The following PLEKHB1 variants were observed in gnomAD, a reference collection of about 807,000 sequenced individuals.
The protein encoded by PLEKHB1 is pleckstrin homology domain containing B1.
Under a neutral mutation model 36.2 loss-of-function variants are expected in PLEKHB1, and 29 were observed. The ratio of observed to expected loss-of-function variants is 0.80; its 90% CI spans 0.60 to 1.09. The LOEUF is 1.09. Among genes scored for constraint, PLEKHB1 ranks in the 50% least tolerant of loss-of-function variants. PLEKHB1 has a pLI of 0.00. For missense variants in PLEKHB1, 330 were observed against 348.2 expected, an observed-to-expected ratio of 0.95 and a Z score of 0.42; for synonymous variants, 138 against 140.0, an observed-to-expected ratio of 0.99 and a Z score of 0.10.
In PLEKHB1 at chr11:73,649,217, T is replaced by C. The variant is rs674995; in HGVS notation, c.94+130T>C. 0.024 allele frequency: 28,536 copies of C among 1,192,214 alleles called. 4,961 individuals carry two copies. The African/African-American group carries it at 0.39, about 16-fold the overall frequency. The allele number at this position is 1,192,214 out of a possible 1,614,324, so 73.9% of individuals were successfully genotyped here. The stretch of plus-strand genomic sequence containing the variant: ...TCCCTTGTTTGTCCATGCTCTTCCC[T>C]CTGCCTGAAGGTCCTTCCCATTCCC... On this transcript the variant is annotated intron_variant, in intron 2 of 7. Coordinates refer to ENST00000354190, the MANE Select transcript of PLEKHB1 (RefSeq NM_021200.3).
At chr11:73,648,591 A>C in intron 1 of PLEKHB1, 1 of 984,836 alleles carries the variant, frequency 1.0e-6, no homozygotes, top group Non-Finnish European at 1.2e-6. Flanking sequence ...CAAGGTTTCT[A>C]ATACTTTAAG....
At position 73,650,563 on chromosome 11, in the gene PLEKHB1, C is replaced by T; in HGVS notation, c.105C>T (p.Leu35=). ...GGWLWRQSSI[L]RRWKRNWFAL... ...TGGAATATCGTACAGGCTCCATCCT[C>T]CGCCGCTGGAAGCGGAACTGGTTTG... Residue 35 remains leucine (L), a synonymous_variant, in exon 3 of 8, where the codon CTC becomes CTT. Transcript: ENST00000354190. 6.2e-7 allele frequency: 1 copy of T among 1,611,002 alleles called. No homozygotes were observed. The highest frequency in any genetic ancestry group is 1.1e-5 in the South Asian group (1 of 90,216).
Position 73,646,757 on chromosome 11 carries a change from T to C in PLEKHB1, c.18+131T>C. On this transcript the variant is annotated intron_variant, in intron 1 of 7. Coordinates refer to ENST00000354190, the MANE Select transcript of PLEKHB1 (RefSeq NM_021200.3). ...TCTCTGAATGACATCCTGTGGCTGC[T>C]GGTAGGTGAGGGTTTGCGGGGCTGA... 4.0e-6 allele frequency: 4 copies of C among 998,382 alleles called. No homozygotes were observed. The South Asian group carries it at 5.6e-5, about 14-fold the overall frequency. The allele number at this position is 998,382 out of a possible 1,614,324, so 61.8% of individuals were successfully genotyped here. A position where few individuals can be genotyped will look rare whatever the true frequency, so the allele number is the denominator to read the frequency against.
At chr11:73,659,697 C>G (rs1310383049) in intron 6 of PLEKHB1, among the ~76,000 whole-genome samples, 1 of 152,070 alleles carries the variant, frequency 6.6e-6, no homozygotes, top group African/African-American at 2.4e-5. Context: ...AGTGGGTGAC[C>G]GTTGAGCTAG....
chr11:73,650,234 A>G (rs148396009), intron 2 of PLEKHB1, among the ~76,000 whole-genome samples: 142 of 152,318 alleles, frequency 9.3e-4, no homozygotes, highest in African/African-American at 3.0e-3. Context: ...GAGAGAGAAG[A>G]TGCAGGCTTA....
chr11:73,652,794 C>T (rs1005632346), intron 4 of PLEKHB1, 181 bp from the exon 5 acceptor site: 5 of 550,596 alleles, frequency 9.1e-6, no homozygotes, highest in Non-Finnish European at 1.6e-5. Context: ...CTTAGTGCTC[C>T]ATCCATGTGA....
At chr11:73,649,603 C>G (rs943721123) in intron 2 of PLEKHB1, among the ~76,000 whole-genome samples, 2 of 152,182 alleles carry the variant, frequency 1.3e-5, no homozygotes, top group Non-Finnish European at 2.9e-5. Flanking sequence ...ATCCACAAAG[C>G]CCTAAGAAGC....
intron 6 of PLEKHB1, chr11:73,660,464 T>A: frequency 2.2e-6 from 1 of 453,036 alleles, no homozygotes; most frequent in South Asian, 2.7e-5. Context: ...TTAGACTACC[T>A]ATAAGGAGAA....
chr11:73,653,929 G>C (rs1944946825), intron 5 of PLEKHB1, among the ~76,000 whole-genome samples: 1 of 151,888 alleles, frequency 6.6e-6, no homozygotes, highest in African/African-American at 2.4e-5. Context: ...ATCAGATCAG[G>C]TTCAATTTAT....
Position 73,660,795 on chromosome 11 carries a change from C to A in PLEKHB1, c.538C>A (p.Pro180Thr). 6.2e-7 allele frequency: 1 copy of A among 1,601,934 alleles called. No individual in the cohort carries two copies. Among genetic ancestry groups the A allele is most frequent in the Non-Finnish European group, 8.5e-7 (1 of 1,175,350 alleles). Reference sequence around the variant, plus strand: ...GTACCAAGACTACTACGAGGTGGTGCCCCCCAATGCACACGAGGCCACGTA... The same window carrying A: ...GTACCAAGACTACTACGAGGTGGTGACCCCCAATGCACACGAGGCCACGTA... ...SPYQDYYEVV[P>T]PNAHEATYVR... is the part of the protein sequence containing the mutation. Residue 180 changes from proline to threonine, a missense_variant, in exon 7 of 8, where the codon CCC becomes ACC. Coordinates refer to ENST00000354190, the MANE Select transcript of PLEKHB1 (RefSeq NM_021200.3).
Position 73,650,564 on chromosome 11 carries a change from C to G in PLEKHB1, c.106C>G (p.Arg36Gly), listed in dbSNP as rs368856276. ...GGAATATCGTACAGGCTCCATCCTC[C>G]GCCGCTGGAAGCGGAACTGGTTTGC... ...GWLWRQSSIL[R>G]RWKRNWFALW... is the part of the protein sequence containing the mutation. The change falls in exon 3 of 8, where the codon CGC (arginine) becomes GGC (glycine). Residue 36 changes from arginine (R) to glycine (G), a missense_variant. Physicochemically the swap from Arg to Gly is moderately radical, Grantham distance 125. Transcript: ENST00000354190. The G allele has an allele frequency of 1.2e-6, 2 of 1,610,916 alleles. No individual in the cohort carries two copies. The highest frequency in any genetic ancestry group is 1.1e-5 in the South Asian group (1 of 90,234).
At chr11:73,652,869 A>T (rs954391112) in intron 4 of PLEKHB1, 106 bp from the exon 5 acceptor site, 3 of 927,200 alleles carry the variant, frequency 3.2e-6, no homozygotes, top group Non-Finnish European at 5.0e-6. Flanking sequence ...CTTTCATGAG[A>T]GACTTGGGCT....
intron 3 of PLEKHB1, 118 bp from the exon 4 acceptor site, chr11:73,651,670 G>A: frequency 1.3e-6 from 1 of 749,472 alleles, no homozygotes; most frequent in Non-Finnish European, 2.3e-6. Flanking sequence ...ATCAGAGGAG[G>A]TTGGCAGTGG....
chr11:73,651,549 C>G, intron 3 of PLEKHB1: 1 of 646,508 alleles, frequency 1.5e-6, no homozygotes, highest in African/African-American at 1.8e-5. Flanking sequence ...CCACCAAGGC[C>G]CAGGCCACAG....
chr11:73,660,544 C>G, intron 6 of PLEKHB1: 1 of 571,874 alleles, frequency 1.7e-6, no homozygotes. Context: ...TCACTGGGAG[C>G]TGGATGTAGG....
chr11:73,654,843 G>A (rs1944961860), intron 5 of PLEKHB1, among the ~76,000 whole-genome samples: 1 of 152,212 alleles, frequency 6.6e-6, no homozygotes, highest in African/African-American at 2.4e-5. Context: ...TCAAAGTCCA[G>A]TTGGAAGAAA....
Position 73,656,491 on chromosome 11 carries a change from G to A in PLEKHB1, c.495+584G>A, listed in dbSNP as rs117314540. 6.3e-3 allele frequency among the ~76,000 whole-genome samples: 955 copies of A among 152,300 alleles called. 7 individuals are homozygous for A. The highest frequency in any genetic ancestry group is 8.9e-3 in the Non-Finnish European group (606 of 68,034). On this transcript the variant is annotated intron_variant, in intron 6 of 7. Coordinates refer to ENST00000354190, the MANE Select transcript of PLEKHB1 (RefSeq NM_021200.3). ...GTGGGGCTCAGGGAATGTTCACTGA[G>A]TGAGCAAAGGAAGGAAGGAGGGAGT...
Position 73,660,790 on chromosome 11 carries a change from T to C in PLEKHB1, c.533T>C (p.Val178Ala), listed in dbSNP as rs1945091995. 6.2e-7 allele frequency: 1 copy of C among 1,602,022 alleles called. No individual in the cohort carries two copies. The highest frequency in any genetic ancestry group is 1.3e-5 in the African/African-American group (1 of 74,708). ...VYSPYQDYYE[V>A]VPPNAHEATY... ...AGCCCGTACCAAGACTACTACGAGG[T>C]GGTGCCCCCCAATGCACACGAGGCC... The change falls in exon 7 of 8, where the codon GTG (valine) becomes GCG (alanine). Residue 178 changes from valine (V) to alanine (A), a missense_variant. By Grantham distance (64) the Val-to-Ala change is moderately conservative. Coordinates refer to ENST00000354190, the MANE Select transcript of PLEKHB1 (RefSeq NM_021200.3).
chr11:73,657,598 G>A (rs1035159717), intron 6 of PLEKHB1, among the ~76,000 whole-genome samples: 1 of 152,152 alleles, frequency 6.6e-6, no homozygotes, highest in African/African-American at 2.4e-5. Flanking sequence ...TTACTTCTGG[G>A]CCTCCCAGAC....
Sources: allele counts gnomAD v4.1 joint callset (sites outside exome capture counted in the v4.1 genomes callset), GRCh38; gene constraint gnomAD v4.1.1; transcripts MANE v1.5; gene names NCBI Gene and HGNC (gene_info 2026-07-23, HGNC 2026-07-21).